GRM1: variants seen among roughly 807,000 people sequenced by gnomAD.
The protein encoded by GRM1 is glutamate metabotropic receptor 1.
In GRM1, 33 loss-of-function variants were observed where a neutral mutation model predicts 90.9. The ratio of observed to expected loss-of-function variants is 0.36; its 90% CI spans 0.28 to 0.49. GRM1 has a LOEUF of 0.49. Ranked by LOEUF, GRM1 falls within the 20% of genes least tolerant of loss-of-function variation. The pLI is 0.99. For synonymous variants in GRM1, 700 were observed against 613.2 expected, an observed-to-expected ratio of 1.14 and a Z score of -2.09; for missense variants, 1,190 against 1,534.3, an observed-to-expected ratio of 0.78 and a Z score of 3.75.
chr6:146,235,523 A>C (rs1780611108), intron 2 of GRM1, among the ~76,000 whole-genome samples: 2 of 151,992 alleles, frequency 1.3e-5, no homozygotes, highest in Admixed American at 6.6e-5. Flanking sequence ...GATTTCAATT[A>C]TGCATGTTAG....
chr6:146,358,603 C>A (rs946945241), intron 5 of GRM1, among the ~76,000 whole-genome samples: 1 of 152,170 alleles, frequency 6.6e-6, no homozygotes, highest in African/African-American at 2.4e-5. Flanking sequence ...TGCCGCTGTA[C>A]CATTCTTTGC....
At chr6:146,349,565 CT>C (rs1413271549) in intron 3 of GRM1, among the ~76,000 whole-genome samples, 1 of 152,026 alleles carries the variant, frequency 6.6e-6, no homozygotes, top group Non-Finnish European at 1.5e-5. Flanking sequence ...TTCCTGTTCT[CT>C]TGTATTTTTT....
At chr6:146,125,396 G>C (rs1448895661) in intron 1 of GRM1, among the ~76,000 whole-genome samples, 3 of 151,848 alleles carry the variant, frequency 2.0e-5, no homozygotes, top group African/African-American at 7.3e-5. Context: ...TTAGAACATA[G>C]GGATATTTTT....
At chr6:146,283,865 G>A (rs1782667978) in intron 2 of GRM1, among the ~76,000 whole-genome samples, 2 of 152,112 alleles carry the variant, frequency 1.3e-5, no homozygotes, top group African/African-American at 4.8e-5. Context: ...AGTATCTCTG[G>A]CCTACTACTC....
At chr6:146,359,875 T>C (rs955797280) in intron 5 of GRM1, among the ~76,000 whole-genome samples, 1 of 152,056 alleles carries the variant, frequency 6.6e-6, no homozygotes, top group Admixed American at 6.6e-5. Flanking sequence ...TTTTAGAAAA[T>C]TGTATACCCT....
chr6:146,425,496 C>A (rs1395456960), intron 7 of GRM1, among the ~76,000 whole-genome samples: 1 of 149,602 alleles, frequency 6.7e-6, no homozygotes, highest in African/African-American at 2.4e-5. Context: ...TGCCAGGAGC[C>A]ATTTTGGTCC....
At position 146,314,715 on chromosome 6, in the gene GRM1, G is replaced by A. The variant is rs362965; in HGVS notation, c.1186+9869G>A. 5.9e-5 allele frequency among the ~76,000 whole-genome samples: 9 copies of A among 152,170 alleles called. 1 individual carries two copies. The highest frequency in any genetic ancestry group is 1.4e-4 in the African/African-American group (6 of 41,446). On this transcript the variant is annotated intron_variant, in intron 3 of 7. Coordinates refer to ENST00000282753, the MANE Select transcript of GRM1 (RefSeq NM_001278064.2). ...TGAGACTTCTGAACTGCTTCTTGAA[G>A]AGTGTATTCCATCATTCCATTTTTT...
intron 2 of GRM1, among the ~76,000 whole-genome samples, chr6:146,276,559 T>A (rs1368873204): frequency 6.6e-6 from 1 of 152,128 alleles, no homozygotes; most frequent in Non-Finnish European, 1.5e-5. Context: ...ATTATGCCAA[T>A]AATTTTAAAT....
At chr6:146,325,991 G>A (rs1784387338) in intron 3 of GRM1, among the ~76,000 whole-genome samples, 1 of 152,156 alleles carries the variant, frequency 6.6e-6, no homozygotes, top group Non-Finnish European at 1.5e-5. Context: ...GCCAGGTTTG[G>A]TTTGTAAGTA....
intron 5 of GRM1, among the ~76,000 whole-genome samples, chr6:146,385,102 G>A (rs191921717): frequency 6.6e-6 from 1 of 152,202 alleles, no homozygotes; most frequent in East Asian, 1.9e-4. Context: ...AATGGTGGCT[G>A]TAAAATTTTA....
At chr6:146,409,669 ATAT>A (rs568650144) in intron 7 of GRM1, among the ~76,000 whole-genome samples, 133 of 152,330 alleles carry the variant, frequency 8.7e-4, no homozygotes, top group African/African-American at 3.1e-3. Context: ...CAACAATAAA[ATAT>A]TATTAACATT....
intron 1 of GRM1, among the ~76,000 whole-genome samples, chr6:146,042,007 C>G (rs1791129689): frequency 6.6e-6 from 1 of 151,990 alleles, no homozygotes; most frequent in African/African-American, 2.4e-5. Context: ...GAAATGAACT[C>G]TGTGTCTTCA....
chr6:146,390,365 T>C (rs1253941260), intron 6 of GRM1, among the ~76,000 whole-genome samples: 1 of 151,950 alleles, frequency 6.6e-6, no homozygotes, highest in Admixed American at 6.6e-5. Flanking sequence ...AAGTTTCTCA[T>C]ATTTTCTTCT....
In GRM1 at chr6:146,029,441, G is replaced by A; in HGVS notation, c.-77G>A. On this transcript the variant is annotated 5_prime_UTR_variant, in exon 1 of 8. Coordinates refer to ENST00000282753, the MANE Select transcript of GRM1 (RefSeq NM_001278064.2). Reference sequence around the variant, plus strand: ...GGGAGAGGCGGCGCTGGGCGTCTTGGGGGTGCGCGCCGGGAGCCTGCAGCG... The same window carrying A: ...GGGAGAGGCGGCGCTGGGCGTCTTGAGGGTGCGCGCCGGGAGCCTGCAGCG... 1 of 1,166,908 alleles carries A rather than the reference G, an allele frequency of 8.6e-7. No homozygotes were observed. The highest frequency in any genetic ancestry group is 1.3e-6 in the Non-Finnish European group (1 of 773,816). 72.3% of individuals were successfully genotyped at this position (1,166,908 alleles called of 1,614,324 possible). A position where few individuals can be genotyped will look rare whatever the true frequency, so the allele number is the denominator to read the frequency against.
chr6:146,123,714 C>G (rs1311377285), intron 1 of GRM1, among the ~76,000 whole-genome samples: 1 of 152,114 alleles, frequency 6.6e-6, no homozygotes, highest in South Asian at 2.1e-4. Flanking sequence ...TCCCTCATGT[C>G]TTTTCAATGC....
intron 2 of GRM1, among the ~76,000 whole-genome samples, chr6:146,295,452 C>T (rs1211937744): frequency 6.6e-6 from 1 of 151,234 alleles, no homozygotes; most frequent in Non-Finnish European, 1.5e-5. Context: ...AGGCTGGTCT[C>T]GAACTCCTGA....
At position 146,426,709 on chromosome 6, in the gene GRM1, C is replaced by G; in HGVS notation, c.2661-7163C>G. ...GCTTTCTCTCTCCTGGGTTTTTCCACTTTCTAACATGGAAACAGATGTGGT... is the reference window on the plus strand; with the variant it reads ...GCTTTCTCTCTCCTGGGTTTTTCCAGTTTCTAACATGGAAACAGATGTGGT... On this transcript the variant is annotated intron_variant, in intron 7 of 7. Transcript: ENST00000282753. The G allele has an allele frequency of 5.1e-6, 4 of 777,506 alleles. No individual in the cohort carries two copies. In the East Asian group the frequency reaches 8.0e-5, roughly 15 times the overall value. The allele number at this position is 777,506 out of a possible 1,614,324, so 48.2% of individuals were successfully genotyped here.
At chr6:146,246,971 G>T (rs1377066574) in intron 2 of GRM1, among the ~76,000 whole-genome samples, 1 of 152,194 alleles carries the variant, frequency 6.6e-6, no homozygotes, top group East Asian at 1.9e-4. Context: ...GGTGAAAATG[G>T]TGAATTTATA....
At chr6:146,057,152 C>G (rs917648402) in intron 1 of GRM1, among the ~76,000 whole-genome samples, 4 of 152,142 alleles carry the variant, frequency 2.6e-5, no homozygotes, top group Non-Finnish European at 5.9e-5. Flanking sequence ...ATACACAATG[C>G]CATGTAATGA....
Sources: gnomAD v4.1 joint callset for allele counts (sites outside exome capture counted in the v4.1 genomes callset) on GRCh38, gnomAD v4.1.1 for gene constraint, MANE v1.5 for transcripts, NCBI Gene and HGNC (gene_info 2026-07-23, HGNC 2026-07-21) for gene names.